Variants in RBM14 observed in about 807,000 individuals in gnomAD.
RBM14 encodes RNA-binding protein 14.
In RBM14, 5 loss-of-function variants were observed where a neutral mutation model predicts 52.8. The observed-to-expected ratio is 0.09, with a 90% confidence interval of 0.05 to 0.20. The LOEUF (loss-of-function observed/expected upper bound fraction) is 0.20. RBM14 is among the 10% of genes least tolerant of loss of function. RBM14 has a pLI of 1.00. For synonymous variants in RBM14, 411 were observed against 401.8 expected (o/e 1.02, Z -0.28); for missense variants, 780 against 926.6 (o/e 0.84, Z 2.05).
intron 1 of RBM14, among the ~76,000 whole-genome samples, chr11:66,621,431 ACAGTGG>A (rs1859107088): frequency 6.6e-6 from 1 of 151,402 alleles, no homozygotes; most frequent in African/African-American, 2.4e-5. Flanking sequence ...AGGCTGGAGT[ACAGTGG>A]CACGATCTTG....
chr11:66,623,898 C>G (rs767913428), intron 1 of RBM14: 3 of 717,664 alleles, frequency 4.2e-6, no homozygotes, highest in East Asian at 2.7e-5. Flanking sequence ...TTTGTACTTA[C>G]AGGAGATGTG....
At chr11:66,618,705 G>C in intron 1 of RBM14, 1 of 620,238 alleles carries the variant, frequency 1.6e-6, no homozygotes, top group Non-Finnish European at 2.9e-6. Flanking sequence ...TTTCTTTTGT[G>C]GTTGTTAGGT....
At chr11:66,626,012 C>T (rs1455413343) in intron 2 of RBM14, among the ~76,000 whole-genome samples, 1 of 152,168 alleles carries the variant, frequency 6.6e-6, no homozygotes, top group Admixed American at 6.5e-5. Context: ...AAGCCTATTA[C>T]GTGGTTGTCC....
In RBM14 at chr11:66,629,924, G is replaced by GAA. The variant is rs753805210; in HGVS notation, c.*3265_*3266dup. 1.1e-5 allele frequency among the ~76,000 whole-genome samples: 1 copy of GAA among 88,204 alleles called. No individual in the cohort carries two copies. The highest frequency in any genetic ancestry group is 3.4e-5 in the African/African-American group (1 of 29,432). The allele number at this position is 88,204 out of a possible 152,430, so 57.9% of individuals were successfully genotyped here. ...AGACCTTGTCTCTACCAAAAGAAAA[G>GAA]AAAAAAAAAAGCCAGCTGTGGTGGC... On this transcript the variant is annotated 3_prime_UTR_variant, in exon 3 of 3. Coordinates refer to ENST00000310137, the MANE Select transcript of RBM14 (RefSeq NM_006328.4).
rs1222773830 is a variant in RBM14, at chr11:66,628,895, C to T, written c.*2227C>T. Among the ~76,000 whole-genome samples, 3 of 152,164 alleles carry T rather than the reference C, an allele frequency of 2.0e-5. No homozygotes were observed. The highest frequency in any genetic ancestry group is 4.4e-5 in the Non-Finnish European group (3 of 68,036). On this transcript the variant is annotated 3_prime_UTR_variant, in exon 3 of 3. Coordinates refer to ENST00000310137, the MANE Select transcript of RBM14 (RefSeq NM_006328.4). Reference sequence around the variant, plus strand: ...AAAACAGCTAAATGTGCTCTCAGGGCCAGTGGTGATGTTCTGTGTTGCAGC... The same window carrying T: ...AAAACAGCTAAATGTGCTCTCAGGGTCAGTGGTGATGTTCTGTGTTGCAGC...
intron 1 of RBM14, chr11:66,617,575 C>T (rs915937900): frequency 3.4e-5 from 34 of 988,116 alleles, no homozygotes; most frequent in African/African-American, 8.7e-5. Context: ...GGACGTTTCT[C>T]GGGCTGGGGT....
intron 1 of RBM14, among the ~76,000 whole-genome samples, chr11:66,623,635 G>A (rs1468524955): frequency 6.6e-6 from 1 of 152,184 alleles, no homozygotes; most frequent in Non-Finnish European, 1.5e-5. Context: ...TTGAAAACTT[G>A]GGAAGTACTG....
rs371484076 is a variant in RBM14 at position 66,624,432 on chromosome 11, G to A, written c.556G>A (p.Asp186Asn). The change falls in exon 2 of 3, where the codon GAC (aspartate) becomes AAC (asparagine). Residue 186 changes from aspartate (D) to asparagine (N), a missense_variant. This residue lies in a region of RBM14 where 675 missense variants were observed against 697.3 expected (regional missense o/e 0.97). Coordinates refer to ENST00000310137, the MANE Select transcript of RBM14 (RefSeq NM_006328.4). This position sits in a 1 kb window ranked among gnomAD's most constrained non-coding sequence, Gnocchi z 4.7. Reference protein sequence around the residue: ...PGTGGFSATFDYQQAFGNSTG... With the variant: ...PGTGGFSATFNYQQAFGNSTG... ...AACTGGTGGCTTCTCTGCCACCTTC[G>A]ACTACCAGCAGGCTTTTGGCAACAG... The A allele has an allele frequency of 2.2e-5, 36 of 1,614,088 alleles. No individual in the cohort carries two copies. Among genetic ancestry groups the A allele is most frequent in the African/African-American group, 8.0e-5 (6 of 75,034 alleles).
chr11:66,616,738 C>T lies in RBM14; in HGVS notation c.18C>T (p.Gly6=). ...GCGACAAAATGAAGATATTCGTGGG[C>T]AACGTCGACGGGGCGGATACGACTC... The part of the protein sequence containing the change: MKIFV[G]NVDGADTTPE... Residue 6 remains glycine, a synonymous_variant, in exon 1 of 3, where the codon GGC becomes GGT. Transcript: ENST00000310137. 6.3e-7 allele frequency: 1 copy of T among 1,594,108 alleles called. No homozygotes were observed.
At chr11:66,622,834 T>C (rs1008680798) in intron 1 of RBM14, among the ~76,000 whole-genome samples, 2 of 152,192 alleles carry the variant, frequency 1.3e-5, no homozygotes, top group South Asian at 4.1e-4. Flanking sequence ...GCTCTTTGTT[T>C]CTTAAGCTGA....
At chr11:66,623,449 G>A (rs979410193) in intron 1 of RBM14, among the ~76,000 whole-genome samples, 2 of 152,172 alleles carry the variant, frequency 1.3e-5, no homozygotes, top group Non-Finnish European at 2.9e-5. Context: ...GTAGCAAAGG[G>A]GCATTGGAAG....
chr11:66,626,692 C>G lies in RBM14; in HGVS notation c.*24C>G. The G allele has an allele frequency of 1.3e-6, 2 of 1,573,902 alleles. No homozygotes were observed. The highest frequency in any genetic ancestry group is 1.7e-6 in the Non-Finnish European group (2 of 1,157,320). On this transcript the variant is annotated 3_prime_UTR_variant, in exon 3 of 3. Coordinates refer to ENST00000310137, the MANE Select transcript of RBM14 (RefSeq NM_006328.4). The stretch of plus-strand genomic sequence containing the variant: ...AGGGCCATCCTGGGATGGGGCACCA[C>G]AGGGAGGGAGGGAGAAAAGAGGTGG...
chr11:66,617,660 C>A, intron 1 of RBM14: 1 of 724,308 alleles, frequency 1.4e-6, no homozygotes, highest in South Asian at 6.2e-5. Context: ...CCTTCCGAAT[C>A]ACTTTGGCCT....
chr11:66,625,069 A>T lies in RBM14; in HGVS notation c.1193A>T (p.Gln398Leu), dbSNP rs1455337644. Residue 398 changes from glutamine (Q) to leucine (L), a missense_variant, in exon 2 of 3, where the codon CAG (glutamine) becomes CTG (leucine). By Grantham distance (113) the Gln-to-Leu change is moderately radical (BLOSUM62 -2). Transcript: ENST00000310137. This position sits in a 1 kb window ranked among gnomAD's most constrained non-coding sequence, Gnocchi z 4.2. ...SAASSLAYGA[Q>L]AASYNAQPSA... ...GCCTCCTCACTAGCTTATGGAGCCC[A>T]GGCAGCTTCATATAATGCCCAGCCC... 1 of 1,613,148 alleles carries T rather than the reference A, an allele frequency of 6.2e-7. No homozygotes were observed. Among genetic ancestry groups the T allele is most frequent in the African/African-American group, 1.3e-5 (1 of 74,634 alleles).
intron 1 of RBM14, among the ~76,000 whole-genome samples, chr11:66,621,337 G>A (rs774613432): frequency 6.6e-6 from 1 of 152,054 alleles, no homozygotes; most frequent in Non-Finnish European, 1.5e-5. Flanking sequence ...ATAAGGCTCT[G>A]GCCATGGGAG....
chr11:66,616,667 C>G lies in RBM14; in HGVS notation c.-54C>G, dbSNP rs1425781067. 2.0e-6 allele frequency: 3 copies of G among 1,520,796 alleles called. No homozygotes were observed. Among genetic ancestry groups the G allele is most frequent in the Non-Finnish European group, 2.6e-6 (3 of 1,132,260 alleles). The allele number at this position is 1,520,796 out of a possible 1,614,324, so 94.2% of individuals were successfully genotyped here. On this transcript the variant is annotated 5_prime_UTR_variant, in exon 1 of 3. Coordinates refer to ENST00000310137, the MANE Select transcript of RBM14 (RefSeq NM_006328.4). Reference sequence around the variant, plus strand: ...GACTGCCGGTCGTTCGGACGTCTTGCCTGTCGCTGGAGGAGAGGTCCGGGC... The same window carrying G: ...GACTGCCGGTCGTTCGGACGTCTTGGCTGTCGCTGGAGGAGAGGTCCGGGC...
chr11:66,618,860 T>TG (rs1858967636), intron 1 of RBM14, among the ~76,000 whole-genome samples: 1 of 152,180 alleles, frequency 6.6e-6, no homozygotes, highest in East Asian at 1.9e-4. Context: ...CAAGTGACGA[T>TG]GCGGGTGAAG....
chr11:66,627,440 AGGACT>A lies in RBM14; in HGVS notation c.*775_*779del, dbSNP rs2135028273. ...TAAAGGGAAGGCAGTCAGAGAACCC[AGGACT>A]GGTGAGGAAAGGGGTTTGAATGTCG... On this transcript the variant is annotated 3_prime_UTR_variant, in exon 3 of 3. Coordinates refer to ENST00000310137, the MANE Select transcript of RBM14 (RefSeq NM_006328.4). 1 of 152,332 alleles carries A rather than the reference AGGACT, an allele frequency of 6.6e-6. No homozygotes were observed. Among genetic ancestry groups the A allele is most frequent in the East Asian group, 1.9e-4 (1 of 5,190 alleles). 9.4% of individuals were successfully genotyped at this position (152,332 alleles called of 1,614,324 possible).
Position 66,624,089 on chromosome 11 carries a change from G to C in RBM14, c.338-125G>C, listed in dbSNP as rs1330552570. ...ACATTTTATGACATACTCCTGGAGA[G>C]GAGGGTTTGGAGGCCTTGGAGGTAG... On this transcript the variant is annotated intron_variant, in intron 1 of 2. Transcript: ENST00000310137. The surrounding 1 kb of genome is among the most constrained non-coding windows in gnomAD (Gnocchi z 4.7). 6.8e-6 allele frequency: 10 copies of C among 1,475,134 alleles called. No homozygotes were observed. Among genetic ancestry groups the C allele is most frequent in the South Asian group, 2.5e-5 (2 of 79,182 alleles). The allele number at this position is 1,475,134 out of a possible 1,614,324, so 91.4% of individuals were successfully genotyped here. A position where few individuals can be genotyped will look rare whatever the true frequency, so the allele number is the denominator to read the frequency against.
Sources: gnomAD v4.1 joint callset for allele counts (sites outside exome capture counted in the v4.1 genomes callset) on GRCh38, gnomAD v4.1.1 for gene constraint, gnomAD v4.1.1 regional missense constraint, Gnocchi (gnomAD v3.1) non-coding constraint, MANE v1.5 for transcripts, NCBI Gene and HGNC (gene_info 2026-07-23, HGNC 2026-07-21) for gene names.